The following STAB2 variants were observed in gnomAD, a reference collection of about 807,000 sequenced individuals.
The protein encoded by STAB2 is stabilin-2.
In STAB2, 288 loss-of-function variants were observed where a neutral mutation model predicts 338.1. The observed-to-expected ratio is 0.85, with a 90% CI of 0.77 to 0.94. The LOEUF (loss-of-function observed/expected upper bound fraction) is 0.94. STAB2 is among the 40% of genes least tolerant of loss of function. STAB2 has a pLI of 0.00. For missense variants in STAB2, 3,141 were observed against 3,210.1 expected, an observed-to-expected ratio of 0.98 and a Z score of 0.52; for synonymous variants, 1,202 against 1,193.3, an observed-to-expected ratio of 1.01 and a Z score of -0.15.
At chr12:103,692,761 CA>C in intron 30 of STAB2, 50 bp from the exon 31 acceptor site, 1 of 1,488,074 alleles carries the variant, frequency 6.7e-7, no homozygotes, top group Middle Eastern at 1.7e-4. Flanking sequence ...ATCTCAATCC[CA>C]AGGTGCGCTC....
intron 48 of STAB2, among the ~76,000 whole-genome samples, 174 bp downstream of exon 48, chr12:103,729,169 A>T (rs1014101263): frequency 6.6e-6 from 1 of 152,192 alleles, no homozygotes; most frequent in African/African-American, 2.4e-5. Flanking sequence ...GGACACATAG[A>T]GGGGAACAAT....
At chr12:103,712,804 C>T (rs1879987746) in intron 41 of STAB2, among the ~76,000 whole-genome samples, 1 of 152,188 alleles carries the variant, frequency 6.6e-6, no homozygotes, top group South Asian at 2.1e-4. Flanking sequence ...ATTTAACTCA[C>T]TGATTTGATT....
intron 53 of STAB2, among the ~76,000 whole-genome samples, chr12:103,738,645 T>C (rs931526198): frequency 6.6e-6 from 1 of 152,234 alleles, no homozygotes; most frequent in Admixed American, 6.5e-5. Context: ...TTCCAAATTA[T>C]ATTCCACACA....
At position 103,728,879 on chromosome 12, in the gene STAB2, C is replaced by T. The variant is rs555809003; in HGVS notation, c.4966C>T (p.Pro1656Ser). Residue 1656 changes from proline (P) to serine (S), a missense_variant, in exon 48 of 69, where the codon CCC (proline) becomes TCC (serine). Pro to Ser is a moderately conservative substitution (Grantham distance 74). Transcript: ENST00000388887. Reference sequence around the variant, plus strand: ...AGACTGGGACAAATACGGTTTAATGCCCCAGGTTCTTCGGTACCATGTGGT... The same window carrying T: ...AGACTGGGACAAATACGGTTTAATGTCCCAGGTTCTTCGGTACCATGTGGT... ...VKDWDKYGLM[P>S]QVLRYHVVAC... 2 of 1,613,848 alleles carry T rather than the reference C, an allele frequency of 1.2e-6. No individual in the cohort carries two copies. Among genetic ancestry groups the T allele is most frequent in the South Asian group, 1.1e-5 (1 of 91,076 alleles).
chr12:103,695,671 G>A, intron 32 of STAB2, 23 bp downstream of exon 32: 1 of 1,614,058 alleles, frequency 6.2e-7, no homozygotes, highest in Non-Finnish European at 8.5e-7. Flanking sequence ...TTCTCTGCCT[G>A]ACCACCATGC....
At chr12:103,669,007 C>A (rs1447874031) in intron 20 of STAB2, among the ~76,000 whole-genome samples, 1 of 152,170 alleles carries the variant, frequency 6.6e-6, no homozygotes, top group African/African-American at 2.4e-5. Flanking sequence ...CTGCCTGTCA[C>A]CCCCATTCCT....
At chr12:103,647,716 C>T (rs957425791) in intron 9 of STAB2, among the ~76,000 whole-genome samples, 3 of 152,204 alleles carry the variant, frequency 2.0e-5, no homozygotes, top group Admixed American at 2.0e-4. Context: ...TGGAAATTGG[C>T]AAATGCTACA....
rs766790182 is a variant in STAB2 at position 103,750,709 on chromosome 12, T to C, written c.6569T>C (p.Leu2190Pro). 2 of 1,613,302 alleles carry C rather than the reference T, an allele frequency of 1.2e-6. No individual in the cohort carries two copies. Residue 2190 changes from leucine (L) to proline (P), a missense_variant, in exon 60 of 69, where the codon CTC becomes CCC. Physicochemically the swap from Leu to Pro is moderately conservative, Grantham distance 98 (BLOSUM62 -3). Coordinates refer to ENST00000388887, the MANE Select transcript of STAB2 (RefSeq NM_017564.10). ...QCHADAKCVD[L>P]HFQDTTVGVF... ...CATGCAGACGCCAAATGTGTCGACC[T>C]CCACTTCCAGGGTTAGTGTGACCAG...
At chr12:103,760,908 G>A (rs1884485983) in intron 65 of STAB2, among the ~76,000 whole-genome samples, 1 of 152,170 alleles carries the variant, frequency 6.6e-6, no homozygotes, top group African/African-American at 2.4e-5. Flanking sequence ...CACAAGCCAG[G>A]AAATCACACT....
At position 103,730,212 on chromosome 12, in the gene STAB2, A is replaced by C. The variant is rs1881526120; in HGVS notation, c.5179A>C (p.Lys1727Gln). 6.2e-7 allele frequency: 1 copy of C among 1,613,614 alleles called. No individual in the cohort carries two copies. ...VHIIDKLLSP[K>Q]NLLITPKDNS... ...TATCATAGACAAATTGCTATCTCCC[A>C]AAAATTTGCTTATCACTCCCAAAGA... The change falls in exon 49 of 69, where the codon AAA becomes CAA. Residue 1727 changes from lysine to glutamine, a missense_variant. Physicochemically the swap from Lys to Gln is moderately conservative, Grantham distance 53 (BLOSUM62 1). Transcript: ENST00000388887.
chr12:103,647,891 A>G (rs1391869409), intron 9 of STAB2, among the ~76,000 whole-genome samples: 1 of 152,120 alleles, frequency 6.6e-6, no homozygotes, highest in Non-Finnish European at 1.5e-5. Flanking sequence ...ATTTATTTTC[A>G]TTGTTTATAT....
chr12:103,734,931 G>A (rs748058891), intron 51 of STAB2, among the ~76,000 whole-genome samples: 9 of 152,154 alleles, frequency 5.9e-5, no homozygotes, highest in Non-Finnish European at 8.8e-5. Context: ...TCACAGGACT[G>A]TCTCTCCCTG....
rs1430187235 is a variant in STAB2 at position 103,758,224 on chromosome 12, C to T, written c.7042C>T (p.Leu2348=). The part of the protein sequence containing the change: ...SARGRAFLEH[L]TDLSIRGTLF... ...TCGAGGCCGTGCATTTCTAGAACAC[C>T]TGACTGACCTGTCCATCCGCGGCAC... Residue 2348 remains leucine (L), a synonymous_variant, in exon 64 of 69, where the codon CTG becomes TTG. Coordinates refer to ENST00000388887, the MANE Select transcript of STAB2 (RefSeq NM_017564.10). 6.2e-7 allele frequency: 1 copy of T among 1,614,154 alleles called. No individual in the cohort carries two copies. Among genetic ancestry groups the T allele is most frequent in the Admixed American group, 1.7e-5 (1 of 60,028 alleles).
At chr12:103,737,043 C>T (rs1037608226) in intron 52 of STAB2, among the ~76,000 whole-genome samples, 1 of 152,198 alleles carries the variant, frequency 6.6e-6, no homozygotes, top group African/African-American at 2.4e-5. Context: ...TAAAGCCTGT[C>T]ACTTGTACAC....
intron 53 of STAB2, among the ~76,000 whole-genome samples, chr12:103,739,099 C>T (rs534252524): frequency 6.6e-6 from 1 of 152,206 alleles, no homozygotes; most frequent in South Asian, 2.1e-4. Context: ...ACTCAGCCTC[C>T]AAAGTCGCTG....
At chr12:103,726,237 C>A (rs1231667748) in intron 46 of STAB2, 74 bp downstream of exon 46, 14 of 1,534,332 alleles carry the variant, frequency 9.1e-6, no homozygotes, top group Non-Finnish European at 1.2e-5. Context: ...ACCTGTAATT[C>A]CAACACTTTG....
rs750691110 is a variant in STAB2 at position 103,758,279 on chromosome 12, G to C, written c.7097G>C (p.Gly2366Ala). The part of the protein sequence containing the change: ...TLFVPQNSGL[G>A]ENETLSGRDI... ...TTTGTGCCACAGAACAGTGGGCTGGGGGAGAATGAGGTGAGTTGAGTCCCT... is the reference window on the plus strand; with the variant it reads ...TTTGTGCCACAGAACAGTGGGCTGGCGGAGAATGAGGTGAGTTGAGTCCCT... Residue 2366 changes from glycine (G) to alanine (A), a missense_variant, in exon 64 of 69, where the codon GGG (glycine) becomes GCG (alanine). Gly to Ala is a moderately conservative substitution (Grantham distance 60). Coordinates refer to ENST00000388887, the MANE Select transcript of STAB2 (RefSeq NM_017564.10). 2 of 1,613,584 alleles carry C rather than the reference G, an allele frequency of 1.2e-6. No homozygotes were observed. Among genetic ancestry groups the C allele is most frequent in the East Asian group, 4.5e-5 (2 of 44,886 alleles).
chr12:103,625,843 G>A (rs1028064729), intron 5 of STAB2, among the ~76,000 whole-genome samples: 1 of 152,178 alleles, frequency 6.6e-6, no homozygotes, highest in Admixed American at 6.6e-5. Flanking sequence ...CTTTATAGCA[G>A]CATGATTTAT....
At chr12:103,707,389 C>T (rs989600287) in intron 38 of STAB2, among the ~76,000 whole-genome samples, 9 of 152,164 alleles carry the variant, frequency 5.9e-5, no homozygotes, top group Non-Finnish European at 1.2e-4. Context: ...ATTGCTATGC[C>T]CATTTTACAG....
Sources: allele counts gnomAD v4.1 joint callset (sites outside exome capture counted in the v4.1 genomes callset), GRCh38; gene constraint gnomAD v4.1.1; transcripts MANE v1.5; gene names NCBI Gene and HGNC (gene_info 2026-07-23, HGNC 2026-07-21).